The following ICA1L variants were observed in gnomAD, a reference collection of about 807,000 sequenced individuals.
ICA1L encodes the protein islet cell autoantigen 1 like, also known as islet cell autoantigen 1-like protein.
In ICA1L, 50 loss-of-function variants were observed where a neutral mutation model predicts 61.3. The ratio of observed to expected loss-of-function variants is 0.82; its 90% confidence interval spans 0.65 to 1.03. The LOEUF (loss-of-function observed/expected upper bound fraction) is 1.03, where lower values mean the gene tolerates loss of function less well. Among genes scored for constraint, ICA1L ranks in the 50% least tolerant of loss-of-function variants. The probability of loss-of-function intolerance (pLI) is 0.00; values close to 1 mark genes in which losing one functional copy is unlikely to be tolerated. For synonymous variants in ICA1L, 161 were observed against 191.3 expected (o/e 0.84, Z 1.31); for missense variants, 508 against 556.7 (o/e 0.91, Z 0.88).
At chr2:202,802,473 T>C (rs1328224840) in intron 9 of ICA1L, among the ~76,000 whole-genome samples, 2 of 151,988 alleles carry the variant, frequency 1.3e-5, no homozygotes, top group African/African-American at 4.8e-5. Flanking sequence ...CCAGAACTAG[T>C]AAAAGGCACA....
At chr2:202,864,737 G>C (rs1687437861) in intron 1 of ICA1L, among the ~76,000 whole-genome samples, 1 of 152,106 alleles carries the variant, frequency 6.6e-6, no homozygotes, top group African/African-American at 2.4e-5. Context: ...TCAGTCTATG[G>C]GCCAGGTGCG....
At chr2:202,795,587 C>T (rs1433023048) in intron 10 of ICA1L, among the ~76,000 whole-genome samples, 1 of 151,364 alleles carries the variant, frequency 6.6e-6, no homozygotes, top group Admixed American at 6.6e-5. Flanking sequence ...GAGGGCGAAA[C>T]TCCATCTCAA....
In ICA1L at chr2:202,802,650, A is replaced by G. The variant is rs189795047; in HGVS notation, c.911-5686T>C. Among the ~76,000 whole-genome samples, 9 of 152,294 alleles carry G rather than the reference A, an allele frequency of 5.9e-5. No individual in the cohort carries two copies. The East Asian group carries it at 1.5e-3, about 26-fold the overall frequency. On this transcript the variant is annotated intron_variant, in intron 9 of 12. Transcript: ENST00000358299. ...GACTCTGTCTCAAAAAAAGAAAAAAAAAGTATCTAAACTAAAGGAGGTAGT... is the reference window on the plus strand; with the variant it reads ...GACTCTGTCTCAAAAAAAGAAAAAAGAAGTATCTAAACTAAAGGAGGTAGT...
At chr2:202,838,807 G>A (rs1035134506) in intron 1 of ICA1L, among the ~76,000 whole-genome samples, 19 of 152,186 alleles carry the variant, frequency 1.2e-4, no homozygotes, top group African/African-American at 3.9e-4. Context: ...CAGGAAGTAC[G>A]GTGCTAGCAC....
At chr2:202,817,003 A>C (rs1028727380) in intron 6 of ICA1L, among the ~76,000 whole-genome samples, 1 of 152,204 alleles carries the variant, frequency 6.6e-6, no homozygotes, top group Non-Finnish European at 1.5e-5. Context: ...TAATTCTCAT[A>C]GGTGTCACTT....
At chr2:202,823,252 G>A (rs1693747048) in intron 3 of ICA1L, among the ~76,000 whole-genome samples, 1 of 152,130 alleles carries the variant, frequency 6.6e-6, no homozygotes, top group African/African-American at 2.4e-5. Flanking sequence ...AGTCAAGAGA[G>A]TCCCATAAAG....
intron 1 of ICA1L, among the ~76,000 whole-genome samples, chr2:202,847,703 A>ATATATATATATATATATATATATATATT (rs11274512): frequency 7.6e-6 from 1 of 131,232 alleles, no homozygotes. Context: ...AATTATATAT[A>ATATATATATATATATATATATATATATT]TATATAGTTA....
At chr2:202,844,225 A>T (rs1424073079) in intron 1 of ICA1L, 3 of 152,152 alleles carry the variant, frequency 2.0e-5, no homozygotes, top group African/African-American at 7.2e-5. Context: ...AAAATAAAAA[A>T]ATTAGCCATA....
At chr2:202,805,962 G>C (rs1289123241) in intron 9 of ICA1L, among the ~76,000 whole-genome samples, 1 of 152,220 alleles carries the variant, frequency 6.6e-6, no homozygotes, top group African/African-American at 2.4e-5. Context: ...GCTAGGTTAG[G>C]TATACGAGTT....
chr2:202,861,806 A>G (rs1214110549), intron 1 of ICA1L, among the ~76,000 whole-genome samples: 1 of 146,800 alleles, frequency 6.8e-6, no homozygotes, highest in East Asian at 2.1e-4. Context: ...AATCACTTGA[A>G]CCCAGGATAC....
At chr2:202,830,160 G>A (rs1418150291) in intron 1 of ICA1L, among the ~76,000 whole-genome samples, 4 of 152,172 alleles carry the variant, frequency 2.6e-5, no homozygotes, top group Admixed American at 6.5e-5. Flanking sequence ...TTGGGAGGCC[G>A]AGGTGGGCAG....
chr2:202,774,029 C>T lies in ICA1L; in HGVS notation c.*5504G>A, dbSNP rs1337210599. 6.9e-6 allele frequency: 6 copies of T among 868,646 alleles called. No individual in the cohort carries two copies. In the Admixed American group the frequency reaches 9.7e-5, roughly 14 times the overall value. The allele number at this position is 868,646 out of a possible 1,614,324, so 53.8% of individuals were successfully genotyped here. ...TTTATTTTTTTAAATTATGAACTAGCGCTGCTCCACTTCTTGCTTCTTTGA... is the reference window on the plus strand; with the variant it reads ...TTTATTTTTTTAAATTATGAACTAGTGCTGCTCCACTTCTTGCTTCTTTGA... On this transcript the variant is annotated 3_prime_UTR_variant, in exon 13 of 13. Transcript: ENST00000358299.
intron 10 of ICA1L, 139 bp from the exon 11 acceptor site, chr2:202,789,226 GT>G: frequency 1.4e-6 from 1 of 713,028 alleles, no homozygotes; most frequent in Non-Finnish European, 2.2e-6. Context: ...GTGACTGGAA[GT>G]TTATGTGAAA....
At chr2:202,832,371 C>A (rs1452439331) in intron 1 of ICA1L, among the ~76,000 whole-genome samples, 2 of 149,234 alleles carry the variant, frequency 1.3e-5, no homozygotes, top group Non-Finnish European at 3.0e-5. Flanking sequence ...CGCTTGAACC[C>A]GGAAGGCGGA....
At chr2:202,836,818 T>TATAGATATAGATATATATAG (rs2076909520) in intron 1 of ICA1L, among the ~76,000 whole-genome samples, 1 of 148,686 alleles carries the variant, frequency 6.7e-6, no homozygotes, top group Non-Finnish European at 1.5e-5. Flanking sequence ...TATATATAGA[T>TATAGATATAGATATATATAG]ATATAGATAT....
At chr2:202,851,010 CTTTTT>C (rs201119733) in intron 1 of ICA1L, among the ~76,000 whole-genome samples, 1 of 145,020 alleles carries the variant, frequency 6.9e-6, no homozygotes, top group Admixed American at 6.9e-5. Flanking sequence ...AAATAATTTT[CTTTTT>C]TTTTTTTAAT....
chr2:202,852,550 G>T (rs561753817), intron 1 of ICA1L, among the ~76,000 whole-genome samples: 104 of 151,074 alleles, frequency 6.9e-4, no homozygotes, highest in African/African-American at 2.4e-3. Flanking sequence ...GGCACCTGTG[G>T]TCCCAGCTAC....
At chr2:202,815,461 G>A (rs544244855) in intron 7 of ICA1L, among the ~76,000 whole-genome samples, 33 of 152,154 alleles carry the variant, frequency 2.2e-4, no homozygotes, top group Non-Finnish European at 4.3e-4. Context: ...TGACATCAGT[G>A]TAAAAGTAAA....
Position 202,847,695 on chromosome 2 carries a change from T to TTATATATATATATATATA in ICA1L, c.-7-18680_-7-18679insTATATATATATATATATA, listed in dbSNP as rs80134434. On this transcript the variant is annotated intron_variant, in intron 1 of 12. Coordinates refer to ENST00000358299, the MANE Select transcript of ICA1L (RefSeq NM_001288622.3). ...CTTAGAATGAAATATTATATGGGAA[T>TTATATATATATATATATA]TATATATATATATAGTTAAGCAGTG... is the stretch of plus-strand genomic sequence containing the variant. Among the ~76,000 whole-genome samples, 682 of 102,216 alleles carry TTATATATATATATATATA rather than the reference T, an allele frequency of 6.7e-3. 60 individuals are homozygous for TTATATATATATATATATA. The highest frequency in any genetic ancestry group is 0.027 in the African/African-American group (626 of 23,286). 67.1% of individuals were successfully genotyped at this position (102,216 alleles called of 152,430 possible). A position where few individuals can be genotyped will look rare whatever the true frequency, so the allele number is the denominator to read the frequency against.
Sources: gnomAD v4.1 joint callset for allele counts (sites outside exome capture counted in the v4.1 genomes callset) on GRCh38, gnomAD v4.1.1 for gene constraint, MANE v1.5 for transcripts, NCBI Gene and HGNC (gene_info 2026-07-23, HGNC 2026-07-21) for gene names.